The following HMGXB3 variants were observed in gnomAD, a reference collection of about 807,000 sequenced individuals.
The protein encoded by HMGXB3 is HMG domain-containing protein 3.
In HMGXB3, 45 loss-of-function variants were observed where a neutral mutation model predicts 121.5. The observed-to-expected ratio is 0.37, with a 90% CI of 0.29 to 0.47. The LOEUF is 0.47. Ranked by LOEUF, HMGXB3 falls within the 20% of genes least tolerant of loss-of-function variation. The probability of loss-of-function intolerance (pLI) is 0.99; values close to 1 mark genes in which losing one functional copy is unlikely to be tolerated. For synonymous variants in HMGXB3, 590 were observed against 624.1 expected (o/e 0.95, Z 0.81); for missense variants, 1,376 against 1,602.2 (o/e 0.86, Z 2.41).
Position 150,037,495 on chromosome 5 carries a change from T to TTGATGATAC in HMGXB3, c.2381_2382insTGATGATAC (p.Leu794_Ala795insAspAspThr). On this transcript the variant is annotated inframe_insertion, in exon 13 of 20. Transcript: ENST00000502717. ...AAGATGTGTCTGAACCCCCATTGTC[T>TTGATGATAC]GGCCCTGCACAGCTTCATAGACATC... 6.4e-7 allele frequency: 1 copy of TTGATGATAC among 1,550,926 alleles called. No individual in the cohort carries two copies. The highest frequency in any genetic ancestry group is 8.7e-7 in the Non-Finnish European group (1 of 1,146,524).
chr5:150,039,762 T>C (rs527692999), intron 13 of HMGXB3, among the ~76,000 whole-genome samples: 2 of 152,190 alleles, frequency 1.3e-5, no homozygotes, highest in African/African-American at 4.8e-5. Flanking sequence ...GTCATGACTT[T>C]TGCTTTTTAA....
chr5:150,032,978 A>AC (rs1233699085), intron 11 of HMGXB3, among the ~76,000 whole-genome samples: 10 of 152,182 alleles, frequency 6.6e-5, no homozygotes, highest in African/African-American at 2.4e-4. Flanking sequence ...GAGAATGCCA[A>AC]CCTGAGACTT....
At chr5:150,012,023 G>C (rs1359767188) in intron 4 of HMGXB3, among the ~76,000 whole-genome samples, 1 of 152,206 alleles carries the variant, frequency 6.6e-6, no homozygotes, top group Non-Finnish European at 1.5e-5. Context: ...AAATGTCTTA[G>C]AACCTCAGTT....
intron 6 of HMGXB3, among the ~76,000 whole-genome samples, chr5:150,020,492 T>C (rs537123158): frequency 6.6e-6 from 1 of 152,328 alleles, no homozygotes; most frequent in East Asian, 1.9e-4. Context: ...ACTGTGGGCT[T>C]ATCCCTCCTT....
In HMGXB3 at chr5:150,005,007, G is replaced by A. The variant is rs749760443; in HGVS notation, c.137+18G>A. ...AAACCCAGGTTAGCCAACACATTTT[G>A]GTTGCTGCTAGCATTTATAAACAGA... On this transcript the variant is annotated intron_variant, in intron 2 of 19. Transcript: ENST00000502717. 7 of 1,542,058 alleles carry A rather than the reference G, an allele frequency of 4.5e-6. No individual in the cohort carries two copies. In the South Asian group the frequency reaches 8.5e-5, roughly 19 times the overall value.
chr5:150,002,919 G>A (rs1278689884), intron 1 of HMGXB3, among the ~76,000 whole-genome samples: 1 of 152,206 alleles, frequency 6.6e-6, no homozygotes, highest in Non-Finnish European at 1.5e-5. Flanking sequence ...AAGGCAGGAG[G>A]ATTGCTTGAG....
intron 17 of HMGXB3, 58 bp from the exon 18 acceptor site, chr5:150,048,511 C>G: frequency 8.7e-7 from 1 of 1,152,752 alleles, no homozygotes; most frequent in Non-Finnish European, 1.3e-6. Context: ...ATGCTGAGCA[C>G]CAGCCGTGGT....
intron 19 of HMGXB3, among the ~76,000 whole-genome samples, chr5:150,050,754 T>C (rs1299560610): frequency 6.6e-6 from 1 of 152,238 alleles, no homozygotes; most frequent in Non-Finnish European, 1.5e-5. Flanking sequence ...GTGCTGGGAT[T>C]ACAGGCATGA....
intron 14 of HMGXB3, 141 bp downstream of exon 14, chr5:150,041,020 C>A: frequency 1.2e-6 from 1 of 830,774 alleles, no homozygotes; most frequent in Non-Finnish European, 1.8e-6. Context: ...TCCTAATACA[C>A]TCTTCCTTTT....
chr5:150,051,494 A>G (rs1756893689), intron 19 of HMGXB3, among the ~76,000 whole-genome samples: 1 of 152,182 alleles, frequency 6.6e-6, no homozygotes, highest in East Asian at 1.9e-4. Flanking sequence ...ACCGGGGGCA[A>G]TAATAGCATA....
At chr5:150,041,716 A>G (rs1756638259) in intron 14 of HMGXB3, 69 bp from the exon 15 acceptor site, 1 of 1,175,570 alleles carries the variant, frequency 8.5e-7, no homozygotes. Flanking sequence ...CTTACTACCC[A>G]CTGGCTCATC....
intron 7 of HMGXB3, among the ~76,000 whole-genome samples, chr5:150,026,052 G>C (rs552751029): frequency 2.0e-5 from 3 of 151,956 alleles, no homozygotes; most frequent in East Asian, 3.9e-4. Flanking sequence ...GGATGGTCTT[G>C]ATCTCCTGAC....
intron 3 of HMGXB3, 80 bp from the exon 4 acceptor site, chr5:150,010,031 A>C: frequency 5.2e-6 from 7 of 1,354,560 alleles, no homozygotes; most frequent in Non-Finnish European, 6.9e-6. Flanking sequence ...TTACACATAT[A>C]TATATATCTT....
In HMGXB3 at chr5:150,041,876, C is replaced by T; in HGVS notation, c.2637C>T (p.Tyr879=). 6.4e-7 allele frequency: 1 copy of T among 1,551,728 alleles called. No individual in the cohort carries two copies. Among genetic ancestry groups the T allele is most frequent in the Non-Finnish European group, 8.7e-7 (1 of 1,146,970 alleles). Residue 879 remains tyrosine, a synonymous_variant, in exon 15 of 20, where the codon TAC becomes TAT. Transcript: ENST00000502717. The stretch of plus-strand genomic sequence containing the variant: ...TTGAGTGCCTCACTGTCCGAGACTA[C>T]AATGACATGATCTGTGGCATCTGTG... The part of the protein sequence containing the change: ...WAFECLTVRD[Y]NDMICGICGV...
intron 13 of HMGXB3, among the ~76,000 whole-genome samples, chr5:150,038,417 G>C (rs1220827586): frequency 6.6e-6 from 1 of 152,104 alleles, no homozygotes; most frequent in Non-Finnish European, 1.5e-5. Context: ...GTCTATCCAG[G>C]CTAGTACTCA....
intron 11 of HMGXB3, among the ~76,000 whole-genome samples, 176 bp downstream of exon 11, chr5:150,032,779 T>C (rs1284547469): frequency 6.6e-6 from 1 of 152,154 alleles, no homozygotes; most frequent in African/African-American, 2.4e-5. Flanking sequence ...AGCCTCCTTG[T>C]CCCCATTGCC....
At position 150,041,801 on chromosome 5, in the gene HMGXB3, G is replaced by A. The variant is rs1023156676; in HGVS notation, c.2562G>A (p.Ser854=). 14 of 1,551,266 alleles carry A rather than the reference G, an allele frequency of 9.0e-6. No individual in the cohort carries two copies. The highest frequency in any genetic ancestry group is 6.8e-5 in the African/African-American group (5 of 73,028). Residue 854 remains serine, a synonymous_variant, in exon 15 of 20, where the codon TCG becomes TCA. Coordinates refer to ENST00000502717, the MANE Select transcript of HMGXB3 (RefSeq NM_014983.3). ...VQEQTEKTLT[S]EELSQLQELL... ...TTCTTTCAGAGAAGACTCTGACCTCGGAGGAGCTGAGCCAGCTGCAGGAGC... is the reference window on the plus strand; with the variant it reads ...TTCTTTCAGAGAAGACTCTGACCTCAGAGGAGCTGAGCCAGCTGCAGGAGC...
At chr5:150,034,987 C>T (rs1306560325) in intron 11 of HMGXB3, among the ~76,000 whole-genome samples, 2 of 152,164 alleles carry the variant, frequency 1.3e-5, no homozygotes, top group Non-Finnish European at 2.9e-5. Context: ...ATATTGAATG[C>T]CTGCTATGGG....
At chr5:150,020,550 CT>C in intron 6 of HMGXB3, among the ~76,000 whole-genome samples, 1 of 152,088 alleles carries the variant, frequency 6.6e-6, no homozygotes, top group African/African-American at 2.4e-5. Flanking sequence ...GTGTGGCTTT[CT>C]TTTTCATTTC....
Sources: gnomAD v4.1 joint callset for allele counts (sites outside exome capture counted in the v4.1 genomes callset) on GRCh38, gnomAD v4.1.1 for gene constraint, MANE v1.5 for transcripts, NCBI Gene and HGNC (gene_info 2026-07-23, HGNC 2026-07-21) for gene names.